The following TBC1D7 variants were observed in gnomAD, a reference collection of about 807,000 sequenced individuals.
TBC1D7 encodes the protein TBC1 domain family member 7.
A neutral mutation model predicts 35.3 loss-of-function variants in TBC1D7; 33 were observed. That is an observed-to-expected ratio of 0.93 (90% CI 0.71 to 1.25). The LOEUF (loss-of-function observed/expected upper bound fraction) is 1.25. Ranked by LOEUF, TBC1D7 falls within the 50% of genes most tolerant of loss-of-function variation. The pLI is 0.00. For missense variants in TBC1D7, 362 were observed against 365.3 expected, an observed-to-expected ratio of 0.99 and a Z score of 0.07; for synonymous variants, 135 against 129.5, an observed-to-expected ratio of 1.04 and a Z score of -0.29.
intron 7 of TBC1D7, 37 bp downstream of exon 7, chr6:13,306,361 C>G: frequency 6.4e-7 from 1 of 1,563,040 alleles, no homozygotes; most frequent in Non-Finnish European, 8.6e-7. Context: ...AAGGTAACTT[C>G]ATTTCCAGAT....
In TBC1D7 at chr6:13,320,927, C is replaced by T. The variant is rs1253137988; in HGVS notation, c.362G>A (p.Arg121Gln). Residue 121 changes from arginine to glutamine, a missense_variant, in exon 4 of 8, where the codon CGA becomes CAA. Coordinates refer to ENST00000379300, the MANE Select transcript of TBC1D7 (RefSeq NM_016495.6). ...MYQLESGKLP[R>Q]SPSFPLEPDD... Reference sequence around the variant, plus strand: ...ACTAACCAGTGGAAAAGAGGGACTTCGAGGTAACTTCCCAGACTCCAGCTG... The same window carrying T: ...ACTAACCAGTGGAAAAGAGGGACTTTGAGGTAACTTCCCAGACTCCAGCTG... 1.2e-6 allele frequency: 2 copies of T among 1,614,124 alleles called. No homozygotes were observed. Among genetic ancestry groups the T allele is most frequent in the South Asian group, 2.2e-5 (2 of 91,084 alleles).
At chr6:13,321,185 G>A (rs921569475) in intron 3 of TBC1D7, 90 bp from the exon 4 acceptor site, 37 of 1,093,072 alleles carry the variant, frequency 3.4e-5, no homozygotes, top group Middle Eastern at 2.1e-4. Context: ...CGTGAGAAGC[G>A]ACCCACACAA....
chr6:13,307,808 AGTCTCTGAT>A, intron 5 of TBC1D7, 63 bp from the exon 6 acceptor site: 8 of 1,498,982 alleles, frequency 5.3e-6, no homozygotes, highest in Middle Eastern at 3.5e-4. Context: ...CTGATATTAT[AGTCTCTGAT>A]GAAAAAAAAG....
intron 5 of TBC1D7, among the ~76,000 whole-genome samples, chr6:13,311,100 A>T (rs111569033): frequency 0.018 from 2,670 of 152,338 alleles, 76 homozygotes; most frequent in African/African-American, 0.06. Context: ...TCACTCTGAG[A>T]GGAATTTATA....
At chr6:13,326,759 A>T in intron 2 of TBC1D7, 28 bp downstream of exon 2, 1 of 1,413,738 alleles carries the variant, frequency 7.1e-7, no homozygotes, top group Non-Finnish European at 1.0e-6. Flanking sequence ...ATTGAGAACC[A>T]ATGAGATTAA....
rs758435422 is a variant in TBC1D7, at chr6:13,316,717, T to C, written c.382-9A>G. The C allele has an allele frequency of 2.7e-5, 43 of 1,612,942 alleles. No individual in the cohort carries two copies. The highest frequency in any genetic ancestry group is 3.6e-5 in the Non-Finnish European group (42 of 1,179,686). ...ACTTCATCATCTGGCTCCTGAAAGA[T>C]TAATAATAAATCTCAAGAGGAAGGC... is the stretch of plus-strand genomic sequence containing the variant. On this transcript the variant is annotated splice_polypyrimidine_tract_variant and intron_variant, in intron 4 of 7. Coordinates refer to ENST00000379300, the MANE Select transcript of TBC1D7 (RefSeq NM_016495.6).
At chr6:13,313,320 T>C (rs1466640310) in intron 5 of TBC1D7, among the ~76,000 whole-genome samples, 1 of 152,154 alleles carries the variant, frequency 6.6e-6, no homozygotes, top group Non-Finnish European at 1.5e-5. Flanking sequence ...TAAATTAAAA[T>C]AAGATGCCAT....
At chr6:13,326,570 T>C (rs1176225255) in intron 2 of TBC1D7, among the ~76,000 whole-genome samples, 1 of 150,656 alleles carries the variant, frequency 6.6e-6, no homozygotes, top group Non-Finnish European at 1.5e-5. Flanking sequence ...AAGAAAAAAA[T>C]ACTACTGACT....
At chr6:13,314,695 TGAAG>T (rs1027089704) in intron 5 of TBC1D7, among the ~76,000 whole-genome samples, 2 of 152,204 alleles carry the variant, frequency 1.3e-5, no homozygotes, top group African/African-American at 4.8e-5. Flanking sequence ...TCTCAGAAGC[TGAAG>T]GGTCTTGCAC....
At chr6:13,314,234 T>C (rs1395298886) in intron 5 of TBC1D7, among the ~76,000 whole-genome samples, 1 of 150,622 alleles carries the variant, frequency 6.6e-6, no homozygotes, top group Non-Finnish European at 1.5e-5. Context: ...AGGAAAATCA[T>C]ATCATAGATG....
At chr6:13,327,212 A>G (rs188428769) in intron 1 of TBC1D7, among the ~76,000 whole-genome samples, 1 of 152,218 alleles carries the variant, frequency 6.6e-6, no homozygotes, top group Non-Finnish European at 1.5e-5. Flanking sequence ...ACAATAGAAC[A>G]TTCTGTAGCT....
intron 6 of TBC1D7, 148 bp downstream of exon 6, chr6:13,307,452 T>G: frequency 1.3e-6 from 1 of 751,766 alleles, no homozygotes; most frequent in Non-Finnish European, 2.2e-6. Flanking sequence ...AGCAGAATCA[T>G]GTGCTGTTAC....
At chr6:13,317,601 A>C (rs1783725859) in intron 4 of TBC1D7, among the ~76,000 whole-genome samples, 1 of 152,250 alleles carries the variant, frequency 6.6e-6, no homozygotes, top group Non-Finnish European at 1.5e-5. Context: ...ATAGGGAATA[A>C]GTTTTCTCAA....
chr6:13,310,365 T>C lies in TBC1D7; in HGVS notation c.520-2620A>G, dbSNP rs904872012. Among the ~76,000 whole-genome samples, 17 of 152,268 alleles carry C rather than the reference T, an allele frequency of 1.1e-4. No individual in the cohort carries two copies. In the East Asian group the frequency reaches 1.5e-3, roughly 14 times the overall value. On this transcript the variant is annotated intron_variant, in intron 5 of 7. Transcript: ENST00000379300. Reference sequence around the variant, plus strand: ...CTGAGAATATTTTGTAGGCTGGGCGTGGTGGCTCACGCCTGTAATCCCAGC... The same window carrying C: ...CTGAGAATATTTTGTAGGCTGGGCGCGGTGGCTCACGCCTGTAATCCCAGC...
chr6:13,316,485 C>G, intron 5 of TBC1D7, 86 bp downstream of exon 5: 11 of 1,390,632 alleles, frequency 7.9e-6, no homozygotes, highest in South Asian at 1.3e-5. Context: ...AGAATTGCAG[C>G]AGCCCCAGGA....
chr6:13,315,517 C>T (rs992028274), intron 5 of TBC1D7, among the ~76,000 whole-genome samples: 4 of 151,962 alleles, frequency 2.6e-5, no homozygotes, highest in Admixed American at 2.0e-4. Context: ...AGTTCAAGAC[C>T]GGCCTGACCA....
chr6:13,320,471 G>C, intron 4 of TBC1D7: 1 of 430,492 alleles, frequency 2.3e-6, no homozygotes, highest in Non-Finnish European at 4.1e-6. Flanking sequence ...AAAAAAATGT[G>C]TTTAAAAAAA....
intron 3 of TBC1D7, among the ~76,000 whole-genome samples, chr6:13,323,409 A>C (rs1784185924): frequency 6.6e-6 from 1 of 152,116 alleles, no homozygotes; most frequent in African/African-American, 2.4e-5. Context: ...GTGAGGAATA[A>C]GCCAGATAGG....
At chr6:13,317,227 T>C (rs1039450819) in intron 4 of TBC1D7, among the ~76,000 whole-genome samples, 6 of 152,246 alleles carry the variant, frequency 3.9e-5, no homozygotes, top group Non-Finnish European at 7.3e-5. Flanking sequence ...AGTTAAAATG[T>C]TCCTAGAATC....
Sources: allele counts gnomAD v4.1 joint callset (sites outside exome capture counted in the v4.1 genomes callset), GRCh38; gene constraint gnomAD v4.1.1; transcripts MANE v1.5; gene names NCBI Gene and HGNC (gene_info 2026-07-23, HGNC 2026-07-21).